The following B4GALT2 variants were observed in gnomAD, a reference collection of about 807,000 sequenced individuals.
B4GALT2 encodes N-acetyllactosamine synthase.
In B4GALT2, 18 loss-of-function variants were observed where a neutral mutation model predicts 33.2. That is an observed-to-expected ratio of 0.54 (90% CI 0.38 to 0.80). The LOEUF (loss-of-function observed/expected upper bound fraction) is 0.80. B4GALT2 is among the 30% of genes least tolerant of loss of function. The pLI, the probability that B4GALT2 is intolerant of heterozygous loss-of-function variation, is 0.00. For synonymous variants in B4GALT2, 214 were observed against 217.6 expected (o/e 0.98, Z 0.15); for missense variants, 404 against 526.2 (o/e 0.77, Z 2.27).
chr1:43,981,800 C>T lies in B4GALT2; in HGVS notation c.425C>T (p.Ala142Val), dbSNP rs779292310. Reference sequence around the variant, plus strand: ...TACACACCGCCCGACTGCACCCCAGCCCAGACGGTGGCGGTCATCATCCCC... The same window carrying T: ...TACACACCGCCCGACTGCACCCCAGTCCAGACGGTGGCGGTCATCATCCCC... ...GRYTPPDCTP[A>V]QTVAVIIPFR... is the part of the protein sequence containing the mutation. Residue 142 changes from alanine (A) to valine (V), a missense_variant, in exon 3 of 7, where the codon GCC (alanine) becomes GTC (valine). Physicochemically the swap from Ala to Val is moderately conservative, Grantham distance 64 (BLOSUM62 0). Transcript: ENST00000372324. The surrounding 1 kb of genome is among the most constrained non-coding windows in gnomAD (Gnocchi z 8.1). 50 of 1,613,712 alleles carry T rather than the reference C, an allele frequency of 3.1e-5. No homozygotes were observed. The highest frequency in any genetic ancestry group is 4.2e-5 in the Non-Finnish European group (50 of 1,180,040).
In B4GALT2 at chr1:43,990,515, C is replaced by A. The variant is rs1369201242; in HGVS notation, c.*67C>A. ...AGAGGACTGACCACAGCCTGGCTGGCAGCTGCTCTGTGGAGGACCTCCAGG... is the reference window on the plus strand; with the variant it reads ...AGAGGACTGACCACAGCCTGGCTGGAAGCTGCTCTGTGGAGGACCTCCAGG... On this transcript the variant is annotated 3_prime_UTR_variant, in exon 7 of 7. Transcript: ENST00000372324. 3.1e-6 allele frequency: 5 copies of A among 1,594,918 alleles called. No homozygotes were observed. In the Admixed American group the frequency reaches 8.4e-5, roughly 27 times the overall value.
Position 43,981,200 on chromosome 1 carries a change from A to G in B4GALT2, c.40A>G (p.Lys14Glu). The part of the protein sequence containing the change: ...LLGGTLERVC[K>E]AVLLLCLLHF... Reference sequence around the variant, plus strand: ...GGGGGGGACGCTGGAGCGCGTCTGCAAGGCTGTGCTCCTTCTCTGCCTGCT... The same window carrying G: ...GGGGGGGACGCTGGAGCGCGTCTGCGAGGCTGTGCTCCTTCTCTGCCTGCT... The change falls in exon 2 of 7, where the codon AAG becomes GAG. Residue 14 changes from lysine (K) to glutamate (E), a missense_variant. Coordinates refer to ENST00000372324, the MANE Select transcript of B4GALT2 (RefSeq NM_003780.5). The surrounding 1 kb of genome is among the most constrained non-coding windows in gnomAD (Gnocchi z 8.1). 1 of 1,602,488 alleles carries G rather than the reference A, an allele frequency of 6.2e-7. No individual in the cohort carries two copies. The highest frequency in any genetic ancestry group is 8.5e-7 in the Non-Finnish European group (1 of 1,179,828).
rs1281116478 is a variant in B4GALT2 at position 43,982,226 on chromosome 1, G to T, written c.549+302G>T. 6.6e-6 allele frequency among the ~76,000 whole-genome samples: 1 copy of T among 152,178 alleles called. No individual in the cohort carries two copies. Among genetic ancestry groups the T allele is most frequent in the African/African-American group, 2.4e-5 (1 of 41,456 alleles). On this transcript the variant is annotated intron_variant, in intron 3 of 6. Coordinates refer to ENST00000372324, the MANE Select transcript of B4GALT2 (RefSeq NM_003780.5). This position sits in a 1 kb window ranked among gnomAD's most constrained non-coding sequence, Gnocchi z 4.3. ...GGAGATGTTGAGGGCCCTGAGGAGA[G>T]GGAGTTAGACCCTGAAAGAAGGATG...
chr1:43,981,687 A>G lies in B4GALT2; in HGVS notation c.314-2A>G. On this transcript the variant is annotated splice_acceptor_variant, in intron 2 of 6. Coordinates refer to ENST00000372324, the MANE Select transcript of B4GALT2 (RefSeq NM_003780.5). LOFTEE classifies it high-confidence loss of function. The surrounding 1 kb of genome is among the most constrained non-coding windows in gnomAD (Gnocchi z 8.1). ...TGATTCCTGACACTGTCCTGTCTGCAGTGGGCAGACTGCTGATCGAGTTCA... is the reference window on the plus strand; with the variant it reads ...TGATTCCTGACACTGTCCTGTCTGCGGTGGGCAGACTGCTGATCGAGTTCA... The G allele has an allele frequency of 6.2e-7, 1 of 1,605,798 alleles. No homozygotes were observed. Among genetic ancestry groups the G allele is most frequent in the Non-Finnish European group, 8.5e-7 (1 of 1,175,170 alleles).
intron 6 of B4GALT2, chr1:43,985,866 G>A: frequency 1.7e-6 from 1 of 575,658 alleles, no homozygotes; most frequent in Middle Eastern, 4.6e-4. Context: ...TCTGACCTCT[G>A]GCCTGATTCC....
At position 43,981,939 on chromosome 1, in the gene B4GALT2, G is replaced by C; in HGVS notation, c.549+15G>C. On this transcript the variant is annotated intron_variant, in intron 3 of 6. Transcript: ENST00000372324. This position sits in a 1 kb window ranked among gnomAD's most constrained non-coding sequence, Gnocchi z 8.1. ...TCATCAACCAGGTGCCCATGCGGGG[G>C]TCCATGTGCCTGTTGGTGTATATAT... is the stretch of plus-strand genomic sequence containing the variant. 1 of 1,611,550 alleles carries C rather than the reference G, an allele frequency of 6.2e-7. No individual in the cohort carries two copies. The highest frequency in any genetic ancestry group is 8.5e-7 in the Non-Finnish European group (1 of 1,178,280).
At position 43,985,982 on chromosome 1, in the gene B4GALT2, C is replaced by G. The variant is rs774516755; in HGVS notation, c.968+361C>G. On this transcript the variant is annotated intron_variant, in intron 6 of 6. Transcript: ENST00000372324. Reference sequence around the variant, plus strand: ...ACTTGTGCACCTGTGGGACCCCTGCCGGGGCAGATAGGACACGAGCTAATG... The same window carrying G: ...ACTTGTGCACCTGTGGGACCCCTGCGGGGGCAGATAGGACACGAGCTAATG... The G allele has an allele frequency of 2.4e-4, 73 of 309,160 alleles. No individual in the cohort carries two copies. The Middle Eastern group carries it at 3.3e-3, about 14-fold the overall frequency. The allele number at this position is 309,160 out of a possible 1,614,324, so 19.2% of individuals were successfully genotyped here.
chr1:43,990,464 G>A lies in B4GALT2; in HGVS notation c.*16G>A, dbSNP rs1248045631. The A allele has an allele frequency of 1.2e-6, 2 of 1,613,926 alleles. No individual in the cohort carries two copies. The highest frequency in any genetic ancestry group is 1.7e-5 in the Admixed American group (1 of 60,032). Reference sequence around the variant, plus strand: ...TCGGGGCTGACACTAATGGACAGAGGCTCTCGGTGCCGAAGATTGCCTGCC... The same window carrying A: ...TCGGGGCTGACACTAATGGACAGAGACTCTCGGTGCCGAAGATTGCCTGCC... On this transcript the variant is annotated 3_prime_UTR_variant, in exon 7 of 7. Transcript: ENST00000372324.
chr1:43,979,907 A>T lies in B4GALT2; in HGVS notation c.-53+396A>T. ...CAGCCTGCCAGCCCCGCCCAAACGCACCCCTCAGCCTGGCCGCCAGCCTGA... is the reference window on the plus strand; with the variant it reads ...CAGCCTGCCAGCCCCGCCCAAACGCTCCCCTCAGCCTGGCCGCCAGCCTGA... On this transcript the variant is annotated intron_variant, in intron 1 of 6. Transcript: ENST00000372324. This position sits in a 1 kb window ranked among gnomAD's most constrained non-coding sequence, Gnocchi z 4.8. 7.5e-7 allele frequency: 1 copy of T among 1,337,974 alleles called. No homozygotes were observed. Among genetic ancestry groups the T allele is most frequent in the Non-Finnish European group, 1.0e-6 (1 of 986,610 alleles). The allele number at this position is 1,337,974 out of a possible 1,614,324, so 82.9% of individuals were successfully genotyped here. A position where few individuals can be genotyped will look rare whatever the true frequency, so the allele number is the denominator to read the frequency against.
intron 6 of B4GALT2, among the ~76,000 whole-genome samples, chr1:43,986,976 AGTGGGGGAGGTGGTTTGTAGCCCTGGT>A (rs2085665993): frequency 6.6e-6 from 1 of 151,482 alleles, no homozygotes; most frequent in Non-Finnish European, 1.5e-5. Flanking sequence ...ACGGGGTAGG[AGTGGGGGAGGTGGTTTGTAGCCCTGGT>A]GTGGGGTTGG....
rs1433178053 is a variant in B4GALT2 at position 43,990,693 on chromosome 1, CT to C, written c.*246del. 1.8e-6 allele frequency: 1 copy of C among 546,580 alleles called. No individual in the cohort carries two copies. The highest frequency in any genetic ancestry group is 3.2e-5 in the Admixed American group (1 of 31,620). The allele number at this position is 546,580 out of a possible 1,614,324, so 33.9% of individuals were successfully genotyped here. A position where few individuals can be genotyped will look rare whatever the true frequency, so the allele number is the denominator to read the frequency against. ...AACCCTCCTTCCCGACCCCCTCCCC[CT>C]AGCCCAGCCCCAGTCACTGTCAGGG... On this transcript the variant is annotated 3_prime_UTR_variant, in exon 7 of 7. Transcript: ENST00000372324.
intron 6 of B4GALT2, chr1:43,985,865 T>C: frequency 1.7e-6 from 1 of 575,452 alleles, no homozygotes; most frequent in South Asian, 2.0e-5. Flanking sequence ...CTCTGACCTC[T>C]GGCCTGATTC....
At chr1:43,986,579 T>C (rs1180557729) in intron 6 of B4GALT2, among the ~76,000 whole-genome samples, 1 of 152,202 alleles carries the variant, frequency 6.6e-6, no homozygotes, top group Non-Finnish European at 1.5e-5. Flanking sequence ...TGAAACTATT[T>C]GGTTTTAAGA....
Position 43,990,331 on chromosome 1 carries a change from G to A in B4GALT2, c.1002G>A (p.Met334Ile). The change falls in exon 7 of 7, where the codon ATG becomes ATA. Residue 334 changes from methionine (M) to isoleucine (I), a missense_variant. Met to Ile is a conservative substitution (Grantham distance 10). Transcript: ENST00000372324. ...AGATTCAAAACACGAAGCTGACCAT[G>A]AAGCGGGACGGCATTGGGTCAGTGC... Reference protein sequence around the residue: ...FTKIQNTKLTMKRDGIGSVRY... With the variant: ...FTKIQNTKLTIKRDGIGSVRY... The A allele has an allele frequency of 1.2e-6, 2 of 1,614,220 alleles. No individual in the cohort carries two copies. Among genetic ancestry groups the A allele is most frequent in the Non-Finnish European group, 1.7e-6 (2 of 1,180,046 alleles).
chr1:43,990,474 C>G lies in B4GALT2; in HGVS notation c.*26C>G, dbSNP rs537134846. 2 of 1,613,348 alleles carry G rather than the reference C, an allele frequency of 1.2e-6. No homozygotes were observed. The highest frequency in any genetic ancestry group is 2.2e-5 in the South Asian group (2 of 91,054). ...CACTAATGGACAGAGGCTCTCGGTG[C>G]CGAAGATTGCCTGCCAGAGGACTGA... On this transcript the variant is annotated 3_prime_UTR_variant, in exon 7 of 7. Transcript: ENST00000372324.
intron 6 of B4GALT2, chr1:43,986,111 A>G (rs2085656572): frequency 5.9e-6 from 1 of 170,778 alleles, no homozygotes; most frequent in South Asian, 1.4e-4. Flanking sequence ...AAGGAGGTGG[A>G]TGTATCTCTT....
intron 6 of B4GALT2, chr1:43,986,251 G>C (rs2085658307): frequency 6.5e-6 from 1 of 152,814 alleles, no homozygotes; most frequent in African/African-American, 2.4e-5. Context: ...ACCCAGAGTA[G>C]TCACACCCAA....
At chr1:43,988,739 C>G (rs1049940895) in intron 6 of B4GALT2, among the ~76,000 whole-genome samples, 3 of 148,710 alleles carry the variant, frequency 2.0e-5, no homozygotes, top group Non-Finnish European at 4.4e-5. Flanking sequence ...CTCAGCTACT[C>G]AGGAGGCTAA....
chr1:43,988,519 G>A (rs1252114339), intron 6 of B4GALT2, among the ~76,000 whole-genome samples: 1 of 151,934 alleles, frequency 6.6e-6, no homozygotes, highest in Admixed American at 6.6e-5. Context: ...AATTAGCTGG[G>A]TGTGGTGGTG....
Sources: allele counts gnomAD v4.1 joint callset (sites outside exome capture counted in the v4.1 genomes callset), GRCh38; gene constraint gnomAD v4.1.1; non-coding constraint Gnocchi (gnomAD v3.1); transcripts MANE v1.5; gene names NCBI Gene and HGNC (gene_info 2026-07-23, HGNC 2026-07-21).